Variants in RFX2 observed in about 807,000 individuals in gnomAD.
RFX2 encodes DNA-binding protein RFX2.
RFX2 carries 20 observed loss-of-function variants against 87.8 expected under a neutral mutation model. The observed-to-expected ratio is 0.23, with a 90% confidence interval of 0.16 to 0.33. The LOEUF is 0.33. Among genes scored for constraint, RFX2 ranks in the 10% least tolerant of loss-of-function variants. The pLI is 1.00. For missense variants in RFX2, 767 were observed against 1,012.3 expected, an observed-to-expected ratio of 0.76 and a Z score of 3.29; for synonymous variants, 397 against 431.3, an observed-to-expected ratio of 0.92 and a Z score of 0.98.
At chr19:6,025,120 G>A (rs914411846) in intron 6 of RFX2, among the ~76,000 whole-genome samples, 6 of 152,182 alleles carry the variant, frequency 3.9e-5, no homozygotes, top group African/African-American at 9.7e-5. Flanking sequence ...TTAAGATGCC[G>A]AACACATTTC....
Position 6,004,453 on chromosome 19 carries a change from C to T in RFX2, c.1403-155G>A, listed in dbSNP as rs901272165. Among the ~76,000 whole-genome samples, 4 of 152,238 alleles carry T rather than the reference C, an allele frequency of 2.6e-5. No homozygotes were observed. Among genetic ancestry groups the T allele is most frequent in the Admixed American group, 6.5e-5 (1 of 15,286 alleles). ...ACGGGGAACCGAGGACACTTAGAAACGGGAAGAACCAGGCATGGCCCAGCG... is the reference window on the plus strand; with the variant it reads ...ACGGGGAACCGAGGACACTTAGAAATGGGAAGAACCAGGCATGGCCCAGCG... On this transcript the variant is annotated intron_variant, in intron 12 of 17. Coordinates refer to ENST00000303657, the MANE Select transcript of RFX2 (RefSeq NM_000635.4). The surrounding 1 kb of genome is among the most constrained non-coding windows in gnomAD (Gnocchi z 4.8).
chr19:6,024,138 C>A lies in RFX2; in HGVS notation c.597+2025G>T, dbSNP rs750693834. On this transcript the variant is annotated intron_variant, in intron 6 of 17. Coordinates refer to ENST00000303657, the MANE Select transcript of RFX2 (RefSeq NM_000635.4). The surrounding 1 kb of genome is among the most constrained non-coding windows in gnomAD (Gnocchi z 5.0). ...ACTTGCTGCCTGTCCAGGCTCTGCA[C>A]CCCCATCCTGCCTGGGTCACGCAGC... Among the ~76,000 whole-genome samples, 2 of 152,210 alleles carry A rather than the reference C, an allele frequency of 1.3e-5. No individual in the cohort carries two copies. Among genetic ancestry groups the A allele is most frequent in the Non-Finnish European group, 2.9e-5 (2 of 68,038 alleles).
Position 5,998,684 on chromosome 19 carries a change from C to A in RFX2, c.1860-1471G>T, listed in dbSNP as rs2086450842. ...AGATGAGGTGCTGGCACTCTGCAAC[C>A]AGCTTCCCCACAGCCCCGGTGTCTG... On this transcript the variant is annotated intron_variant, in intron 15 of 17. Transcript: ENST00000303657. This position sits in a 1 kb window ranked among gnomAD's most constrained non-coding sequence, Gnocchi z 4.2. Among the ~76,000 whole-genome samples, 1 of 152,204 alleles carries A rather than the reference C, an allele frequency of 6.6e-6. No individual in the cohort carries two copies. The highest frequency in any genetic ancestry group is 1.5e-5 in the Non-Finnish European group (1 of 68,044).
At chr19:6,094,842 T>C (rs1331979273) in intron 1 of RFX2, among the ~76,000 whole-genome samples, 1 of 152,188 alleles carries the variant, frequency 6.6e-6, no homozygotes, top group Non-Finnish European at 1.5e-5. Flanking sequence ...AAAATGCAGC[T>C]ACTAGGCCAG....
chr19:6,069,584 T>C (rs570929058), intron 1 of RFX2, among the ~76,000 whole-genome samples: 45 of 152,148 alleles, frequency 3.0e-4, no homozygotes, highest in African/African-American at 1.0e-3. Flanking sequence ...CATTTAGAGA[T>C]CCCAAAGAAG....
At chr19:6,086,413 G>A (rs191640650) in intron 1 of RFX2, among the ~76,000 whole-genome samples, 326 of 152,334 alleles carry the variant, frequency 2.1e-3, no homozygotes, top group Admixed American at 4.2e-3. Context: ...TGTCTAGCAT[G>A]TGACTGCAGT....
Position 6,050,178 on chromosome 19 carries a change from C to T in RFX2, c.-8-2674G>A, listed in dbSNP as rs2087250310. On this transcript the variant is annotated intron_variant, in intron 1 of 17. Transcript: ENST00000303657. This position sits in a 1 kb window ranked among gnomAD's most constrained non-coding sequence, Gnocchi z 4.6. ...ATTAAGTGAAGATTTCAGCTGCTGC[C>T]TGTTGCAGGAGGGAGAGTTTGAATC... is the stretch of plus-strand genomic sequence containing the variant. 6.6e-6 allele frequency among the ~76,000 whole-genome samples: 1 copy of T among 152,176 alleles called. No homozygotes were observed. The highest frequency in any genetic ancestry group is 6.5e-5 in the Admixed American group (1 of 15,276).
intron 1 of RFX2, among the ~76,000 whole-genome samples, chr19:6,053,763 C>G (rs528410465): frequency 6.6e-6 from 1 of 152,142 alleles, no homozygotes; most frequent in South Asian, 2.1e-4. Flanking sequence ...TGAGACCAGC[C>G]TGGCCAACAT....
chr19:6,046,692 C>T (rs932770651), intron 2 of RFX2, among the ~76,000 whole-genome samples: 2 of 138,032 alleles, frequency 1.4e-5, no homozygotes, highest in Non-Finnish European at 3.0e-5. Flanking sequence ...AACCACTGGG[C>T]TCAAGCAATC....
rs190864905 is a variant in RFX2, at chr19:6,082,768, C to T, written c.-9+27625G>A. Among the ~76,000 whole-genome samples the T allele has an allele frequency of 2.7e-3, 405 of 152,218 alleles. 3 individuals are homozygous for T. The highest frequency in any genetic ancestry group is 9.2e-3 in the African/African-American group (382 of 41,520). The stretch of plus-strand genomic sequence containing the variant: ...CAGAAAATACACATTTTTGGCTTTG[C>T]AGGTCTCTGTTGAGACTACTCAACT... On this transcript the variant is annotated intron_variant, in intron 1 of 17. Coordinates refer to ENST00000303657, the MANE Select transcript of RFX2 (RefSeq NM_000635.4).
chr19:6,046,563 C>A (rs78334249), intron 2 of RFX2, among the ~76,000 whole-genome samples: 7,570 of 117,008 alleles, frequency 0.065, 571 homozygotes, highest in African/African-American at 0.19. Flanking sequence ...CGTCCCCCCC[C>A]AAAAAAAAAA....
At position 6,011,978 on chromosome 19, in the gene RFX2, A is replaced by C. The variant is rs1353488525; in HGVS notation, c.899+1008T>G. 6.6e-6 allele frequency: 1 copy of C among 152,262 alleles called. No individual in the cohort carries two copies. Among genetic ancestry groups the C allele is most frequent in the Non-Finnish European group, 1.5e-5 (1 of 68,054 alleles). 9.4% of individuals were successfully genotyped at this position (152,262 alleles called of 1,614,324 possible). ...GCCAATTCTGCTGTTTGTTTTTATAAATAAAGTTTTACTGGCACACAGCCA... is the reference window on the plus strand; with the variant it reads ...GCCAATTCTGCTGTTTGTTTTTATACATAAAGTTTTACTGGCACACAGCCA... On this transcript the variant is annotated intron_variant, in intron 8 of 17. Transcript: ENST00000303657. This position sits in a 1 kb window ranked among gnomAD's most constrained non-coding sequence, Gnocchi z 4.8.
chr19:6,048,673 G>A (rs79135336), intron 1 of RFX2, among the ~76,000 whole-genome samples: 3,024 of 152,194 alleles, frequency 0.02, 98 homozygotes, highest in African/African-American at 0.068. Context: ...GAACTTTTAC[G>A]TTTCTCTATC....
intron 1 of RFX2, among the ~76,000 whole-genome samples, chr19:6,080,809 G>A (rs1367141089): frequency 6.6e-6 from 1 of 152,106 alleles, no homozygotes; most frequent in African/African-American, 2.4e-5. Flanking sequence ...AGGCTGAGGT[G>A]GGTGGATCAT....
chr19:6,039,119 T>C lies in RFX2; in HGVS notation c.522+861A>G, dbSNP rs549871910. Reference sequence around the variant, plus strand: ...AAACAAACTGTAGTGTAATAGAATATTACTCAGTAACAAAAAAAAGCAACT... The same window carrying C: ...AAACAAACTGTAGTGTAATAGAATACTACTCAGTAACAAAAAAAAGCAACT... On this transcript the variant is annotated intron_variant, in intron 5 of 17. Transcript: ENST00000303657. This position sits in a 1 kb window ranked among gnomAD's most constrained non-coding sequence, Gnocchi z 5.2. 1.3e-5 allele frequency among the ~76,000 whole-genome samples: 2 copies of C among 152,334 alleles called. No individual in the cohort carries two copies. Among genetic ancestry groups the C allele is most frequent in the South Asian group, 4.1e-4 (2 of 4,832 alleles).
chr19:6,078,532 C>T (rs554240629), intron 1 of RFX2, among the ~76,000 whole-genome samples: 2 of 152,126 alleles, frequency 1.3e-5, no homozygotes, highest in African/African-American at 4.8e-5. Context: ...ATCTGCAGTG[C>T]CTGGCACACA....
At chr19:5,995,728 G>A in intron 16 of RFX2, 85 bp from the exon 17 acceptor site, 1 of 1,223,608 alleles carries the variant, frequency 8.2e-7, no homozygotes, top group South Asian at 1.3e-5. Flanking sequence ...GCCCAACCTT[G>A]CCTTGAGCCA....
rs990192658 is a variant in RFX2 at position 6,061,929 on chromosome 19, C to T, written c.-8-14425G>A. ...GGCAGGGGCGGGAGGATCCATTGAACCCAGGAGTTCGAGACCAGCCTGGGC... is the reference window on the plus strand; with the variant it reads ...GGCAGGGGCGGGAGGATCCATTGAATCCAGGAGTTCGAGACCAGCCTGGGC... On this transcript the variant is annotated intron_variant, in intron 1 of 17. Coordinates refer to ENST00000303657, the MANE Select transcript of RFX2 (RefSeq NM_000635.4). The surrounding 1 kb of genome is among the most constrained non-coding windows in gnomAD (Gnocchi z 5.2). 1.3e-5 allele frequency among the ~76,000 whole-genome samples: 2 copies of T among 152,082 alleles called. No individual in the cohort carries two copies. The highest frequency in any genetic ancestry group is 1.3e-4 in the Admixed American group (2 of 15,266).
rs1194139154 is a variant in RFX2 at position 6,022,802 on chromosome 19, A to C, written c.597+3361T>G. On this transcript the variant is annotated intron_variant, in intron 6 of 17. Transcript: ENST00000303657. The surrounding 1 kb of genome is among the most constrained non-coding windows in gnomAD (Gnocchi z 6.2). Reference sequence around the variant, plus strand: ...CAATGTGCAGACCTCCAGGCCCTGCAGACCCCCTGGGTCCAAGCCCCTAGA... The same window carrying C: ...CAATGTGCAGACCTCCAGGCCCTGCCGACCCCCTGGGTCCAAGCCCCTAGA... Among the ~76,000 whole-genome samples the C allele has an allele frequency of 2.0e-5, 3 of 152,186 alleles. No homozygotes were observed. The highest frequency in any genetic ancestry group is 4.4e-5 in the Non-Finnish European group (3 of 68,016).
Sources: gnomAD v4.1 joint callset for allele counts (sites outside exome capture counted in the v4.1 genomes callset) on GRCh38, gnomAD v4.1.1 for gene constraint, Gnocchi (gnomAD v3.1) non-coding constraint, MANE v1.5 for transcripts, NCBI Gene and HGNC (gene_info 2026-07-23, HGNC 2026-07-21) for gene names.